The following DOCK5 variants were observed in gnomAD, a reference collection of about 807,000 sequenced individuals.
The protein encoded by DOCK5 is dedicator of cytokinesis 5.
In DOCK5, 142 loss-of-function variants were observed where a neutral mutation model predicts 251.8. The observed-to-expected ratio is 0.56, with a 90% CI of 0.49 to 0.65. The LOEUF (loss-of-function observed/expected upper bound fraction) is 0.65, where lower values mean the gene tolerates loss of function less well. DOCK5 is among the 30% of genes least tolerant of loss of function. DOCK5 has a pLI of 0.00. For missense variants in DOCK5, 2,111 were observed against 2,312.3 expected, an observed-to-expected ratio of 0.91 and a Z score of 1.79; for synonymous variants, 842 against 835.5, an observed-to-expected ratio of 1.01 and a Z score of -0.13.
intron 29 of DOCK5, 132 bp downstream of exon 29, chr8:25,363,273 G>A: frequency 1.4e-6 from 1 of 735,564 alleles, no homozygotes; most frequent in Non-Finnish European, 2.3e-6. Flanking sequence ...TCCTGCTCCA[G>A]AGGTCCTAAT....
intron 1 of DOCK5, among the ~76,000 whole-genome samples, chr8:25,242,410 G>A (rs1802978568): frequency 6.6e-6 from 1 of 152,150 alleles, no homozygotes; most frequent in South Asian, 2.1e-4. Context: ...TTCAGAAGGG[G>A]CTGTATCATG....
intron 1 of DOCK5, among the ~76,000 whole-genome samples, chr8:25,241,765 A>G (rs998890423): frequency 9.2e-5 from 14 of 152,234 alleles, no homozygotes; most frequent in African/African-American, 2.2e-4. Context: ...CTACCCATCA[A>G]TGATAGACTG....
intron 40 of DOCK5, among the ~76,000 whole-genome samples, chr8:25,384,171 A>T (rs1801118442): frequency 6.6e-6 from 1 of 152,220 alleles, no homozygotes; most frequent in South Asian, 2.1e-4. Flanking sequence ...AAAAGAAGTT[A>T]CACTTAAAAG....
chr8:25,288,183 G>A (rs1586297208), intron 5 of DOCK5, among the ~76,000 whole-genome samples: 1 of 152,176 alleles, frequency 6.6e-6, no homozygotes, highest in South Asian at 2.1e-4. Context: ...ACTGCGCCCG[G>A]CCAGCCCGTG....
At chr8:25,320,243 G>C (rs1031505793) in intron 15 of DOCK5, among the ~76,000 whole-genome samples, 2 of 152,096 alleles carry the variant, frequency 1.3e-5, no homozygotes, top group Non-Finnish European at 2.9e-5. Flanking sequence ...GGCTCCATCA[G>C]CTCTTTCTGG....
chr8:25,271,270 T>C (rs1243891408), intron 3 of DOCK5: 2 of 155,504 alleles, frequency 1.3e-5, no homozygotes, highest in African/African-American at 4.8e-5. Flanking sequence ...CTTTGTTCTC[T>C]TGGTAAGTAA....
intron 25 of DOCK5, among the ~76,000 whole-genome samples, chr8:25,345,133 TTTTA>T (rs1800334312): frequency 6.6e-6 from 1 of 152,158 alleles, no homozygotes; most frequent in African/African-American, 2.4e-5. Flanking sequence ...ACTTGCTTGG[TTTTA>T]TTTGTTTCAT....
At chr8:25,221,875 A>G (rs1245702910) in intron 1 of DOCK5, among the ~76,000 whole-genome samples, 2 of 152,272 alleles carry the variant, frequency 1.3e-5, no homozygotes, top group African/African-American at 4.8e-5. Flanking sequence ...GCTGGGACTT[A>G]TATCCAGGCT....
At chr8:25,255,882 T>C (rs1045388253) in intron 2 of DOCK5, among the ~76,000 whole-genome samples, 1 of 152,254 alleles carries the variant, frequency 6.6e-6, no homozygotes, top group Non-Finnish European at 1.5e-5. Context: ...AGGAGACTTC[T>C]GTGTCATAAA....
chr8:25,300,579 G>C lies in DOCK5; in HGVS notation c.768G>C (p.Glu256Asp). 1.2e-6 allele frequency: 2 copies of C among 1,612,238 alleles called. No homozygotes were observed. Among genetic ancestry groups the C allele is most frequent in the African/African-American group, 1.3e-5 (1 of 74,926 alleles). The change falls in exon 9 of 52, where the codon GAG (glutamate) becomes GAC (aspartate). Residue 256 changes from glutamate to aspartate, a missense_variant. Coordinates refer to ENST00000276440, the MANE Select transcript of DOCK5 (RefSeq NM_024940.8). ...YDPDQSTFIS[E>D]NYLIRWGSNG... ...CAATTTTTTTTTCCTTTGCCAGTGA[G>C]AACTATCTAATTCGTTGGGGCAGTA...
At chr8:25,371,387 G>C (rs1309559424) in intron 34 of DOCK5, among the ~76,000 whole-genome samples, 2 of 152,124 alleles carry the variant, frequency 1.3e-5, no homozygotes, top group Non-Finnish European at 2.9e-5. Flanking sequence ...AGAATCACTT[G>C]AACCTGGGAG....
intron 11 of DOCK5, among the ~76,000 whole-genome samples, chr8:25,306,348 T>C (rs1162762797): frequency 6.6e-6 from 1 of 152,196 alleles, no homozygotes; most frequent in East Asian, 1.9e-4. Context: ...AAACACTGCA[T>C]GCACATACCT....
rs572802381 is a variant in DOCK5 at position 25,207,847 on chromosome 8, A to T, written c.43+22896A>T. Among the ~76,000 whole-genome samples, 51 of 152,358 alleles carry T rather than the reference A, an allele frequency of 3.3e-4. 1 individual carries two copies. In the South Asian group the frequency reaches 9.9e-3, roughly 30 times the overall value. On this transcript the variant is annotated intron_variant, in intron 1 of 51. Transcript: ENST00000276440. ...TTCAAGTCTGATTATTTAAAAGAAT[A>T]CATTTCATGAAATGGTGGCTGCCAT...
Position 25,332,532 on chromosome 8 carries a change from G to A in DOCK5, c.2002-71G>A, listed in dbSNP as rs1805706774. On this transcript the variant is annotated intron_variant, in intron 19 of 51. Transcript: ENST00000276440. ...TAAACCTCTTTGATTTAAACTAGTT[G>A]TACCCAGATTTCTGTGGTGTGGGGC... 7 of 1,350,696 alleles carry A rather than the reference G, an allele frequency of 5.2e-6. No individual in the cohort carries two copies. The South Asian group carries it at 9.5e-5, about 18-fold the overall frequency. The allele number at this position is 1,350,696 out of a possible 1,614,324, so 83.7% of individuals were successfully genotyped here. A position where few individuals can be genotyped will look rare whatever the true frequency, so the allele number is the denominator to read the frequency against.
chr8:25,343,664 G>A (rs17053422), intron 25 of DOCK5, among the ~76,000 whole-genome samples: 10,801 of 152,218 alleles, frequency 0.071, 1,257 homozygotes, highest in African/African-American at 0.24. Context: ...AAACAGCAAT[G>A]TGTTGGATCC....
In DOCK5 at chr8:25,233,338, C is replaced by T. The variant is rs560777763; in HGVS notation, c.44-10336C>T. ...TCATCTGGTCCCTGATGGGTTGCTT[C>T]CCTAGTCCACCTGGGCAACAAGTAG... On this transcript the variant is annotated intron_variant, in intron 1 of 51. Coordinates refer to ENST00000276440, the MANE Select transcript of DOCK5 (RefSeq NM_024940.8). Among the ~76,000 whole-genome samples, 37 of 152,306 alleles carry T rather than the reference C, an allele frequency of 2.4e-4. 2 individuals are homozygous for T. In the South Asian group the frequency reaches 7.7e-3, roughly 32 times the overall value.
rs142959002 is a variant in DOCK5 at position 25,404,012 on chromosome 8, G to T, written c.5093+288G>T. On this transcript the variant is annotated intron_variant, in intron 48 of 51. Coordinates refer to ENST00000276440, the MANE Select transcript of DOCK5 (RefSeq NM_024940.8). Reference sequence around the variant, plus strand: ...AATTTTTACATCTATTTTATGAATAGGTTTTATAATCACATGGCATGAAAT... The same window carrying T: ...AATTTTTACATCTATTTTATGAATATGTTTTATAATCACATGGCATGAAAT... 3.5e-3 allele frequency among the ~76,000 whole-genome samples: 539 copies of T among 151,846 alleles called. 5 individuals carry two copies. Among genetic ancestry groups the T allele is most frequent in the South Asian group, 0.033 (157 of 4,782 alleles).
At chr8:25,279,004 G>A (rs765719851) in intron 5 of DOCK5, among the ~76,000 whole-genome samples, 1 of 152,136 alleles carries the variant, frequency 6.6e-6, no homozygotes, top group Non-Finnish European at 1.5e-5. Context: ...CTATAAAGTA[G>A]GTGCAATTAT....
At chr8:25,401,432 A>T (rs1801436485) in intron 47 of DOCK5, among the ~76,000 whole-genome samples, 1 of 152,028 alleles carries the variant, frequency 6.6e-6, no homozygotes, top group South Asian at 2.1e-4. Context: ...CACTTTGAGA[A>T]CCACTGTACT....
Sources: gnomAD v4.1 joint callset for allele counts (sites outside exome capture counted in the v4.1 genomes callset) on GRCh38, gnomAD v4.1.1 for gene constraint, MANE v1.5 for transcripts, NCBI Gene and HGNC (gene_info 2026-07-23, HGNC 2026-07-21) for gene names.